The following PIBF1 variants were observed in gnomAD, a reference collection of about 807,000 sequenced individuals.
The protein encoded by PIBF1 is progesterone immunomodulatory binding factor 1.
Under a neutral mutation model 112.5 loss-of-function variants are expected in PIBF1, and 90 were observed. The observed-to-expected ratio is 0.80, with a 90% CI of 0.67 to 0.95. PIBF1 has a LOEUF of 0.95. Among genes scored for constraint, PIBF1 ranks in the 40% least tolerant of loss-of-function variants. The probability of loss-of-function intolerance (pLI) is 0.00; values close to 1 mark genes in which losing one functional copy is unlikely to be tolerated. For synonymous variants in PIBF1, 301 were observed against 288.6 expected (o/e 1.04, Z -0.44); for missense variants, 915 against 852.3 (o/e 1.07, Z -0.92).
intron 10 of PIBF1, among the ~76,000 whole-genome samples, chr13:72,873,772 A>G (rs75009376): frequency 1.1e-5 from 1 of 93,672 alleles, no homozygotes; most frequent in African/African-American, 5.0e-5. Flanking sequence ...TTTACTCAAA[A>G]TAAAAAAAAA....
chr13:72,789,924 A>T (rs2034810254), intron 2 of PIBF1, among the ~76,000 whole-genome samples: 2 of 152,154 alleles, frequency 1.3e-5, no homozygotes, highest in Admixed American at 6.5e-5. Flanking sequence ...TTGATTTGGG[A>T]AACAGTAATT....
chr13:72,943,017 C>A (rs1048294079), intron 14 of PIBF1, among the ~76,000 whole-genome samples: 10 of 151,942 alleles, frequency 6.6e-5, no homozygotes, highest in African/African-American at 2.4e-4. Context: ...AGAAAAATAT[C>A]GTTTAGTAAA....
At chr13:72,794,926 T>C (rs2035115565) in intron 3 of PIBF1, among the ~76,000 whole-genome samples, 1 of 152,206 alleles carries the variant, frequency 6.6e-6, no homozygotes, top group African/African-American at 2.4e-5. Context: ...TGCAGATTAC[T>C]GTTTTCATTA....
chr13:72,975,135 A>C (rs1479941781), intron 16 of PIBF1, among the ~76,000 whole-genome samples: 1 of 149,390 alleles, frequency 6.7e-6, no homozygotes, highest in African/African-American at 2.5e-5. Context: ...GGCTCACGGC[A>C]ACCTCTGCCT....
chr13:72,951,643 C>T (rs1038579456), intron 14 of PIBF1, among the ~76,000 whole-genome samples: 10 of 152,236 alleles, frequency 6.6e-5, no homozygotes, highest in African/African-American at 1.9e-4. Flanking sequence ...GTCAGTAAAA[C>T]AGCAGTTGCC....
intron 11 of PIBF1, among the ~76,000 whole-genome samples, chr13:72,898,671 T>C (rs1370443331): frequency 2.2e-5 from 3 of 133,582 alleles, no homozygotes; most frequent in Non-Finnish European, 4.8e-5. Context: ...ACCCTGTCTA[T>C]ACTAAAAATG....
intron 13 of PIBF1, among the ~76,000 whole-genome samples, chr13:72,930,760 AG>A (rs1294018794): frequency 6.6e-6 from 1 of 152,206 alleles, no homozygotes; most frequent in East Asian, 1.9e-4. Flanking sequence ...TACTTCTCAA[AG>A]TGATAAGCTA....
intron 17 of PIBF1, among the ~76,000 whole-genome samples, chr13:73,011,771 C>G (rs1167320748): frequency 6.6e-6 from 1 of 152,168 alleles, no homozygotes; most frequent in East Asian, 1.9e-4. Flanking sequence ...TTTCCCAGTA[C>G]AGTATGTCCA....
chr13:72,785,248 A>G (rs756382691), intron 2 of PIBF1, among the ~76,000 whole-genome samples: 9 of 152,160 alleles, frequency 5.9e-5, no homozygotes, highest in Non-Finnish European at 1.0e-4. Context: ...TATCTGTTTC[A>G]TCCCTTTCAT....
Position 72,958,496 on chromosome 13 carries a change from G to A in PIBF1, c.1834-6778G>A, listed in dbSNP as rs565512931. On this transcript the variant is annotated intron_variant, in intron 14 of 17. Transcript: ENST00000326291. The stretch of plus-strand genomic sequence containing the variant: ...TTTGTGGATCTTAAGACCAAAAGCG[G>A]AGCTGATAATCAACTACCATGTCCT... 5.9e-5 allele frequency among the ~76,000 whole-genome samples: 9 copies of A among 152,128 alleles called. No individual in the cohort carries two copies. In the East Asian group the frequency reaches 1.5e-3, roughly 26 times the overall value.
chr13:72,898,415 A>G (rs563422317), intron 11 of PIBF1, among the ~76,000 whole-genome samples: 75 of 152,194 alleles, frequency 4.9e-4, no homozygotes, highest in African/African-American at 1.7e-3. Flanking sequence ...TAGAGAAACA[A>G]GAATAAACCA....
chr13:72,864,554 C>T (rs749019840), intron 10 of PIBF1, among the ~76,000 whole-genome samples: 3 of 151,998 alleles, frequency 2.0e-5, no homozygotes, highest in Non-Finnish European at 4.4e-5. Flanking sequence ...TGCGCATGTG[C>T]GTGCATGTGT....
In PIBF1 at chr13:72,800,630, T is replaced by C. The variant is rs144668264; in HGVS notation, c.672+2604T>C. On this transcript the variant is annotated intron_variant, in intron 5 of 17. Transcript: ENST00000326291. ...ATGAAATTCATTCAATAAATGTGTA[T>C]CCTGCATTTACTATATACGGCATGC... Among the ~76,000 whole-genome samples, 284 of 152,344 alleles carry C rather than the reference T, an allele frequency of 1.9e-3. 1 individual carries two copies. Among genetic ancestry groups the C allele is most frequent in the African/African-American group, 6.2e-3 (257 of 41,586 alleles).
At chr13:72,844,765 A>T (rs201288617) in intron 9 of PIBF1, among the ~76,000 whole-genome samples, 5 of 106,252 alleles carry the variant, frequency 4.7e-5, no homozygotes, top group Non-Finnish European at 8.5e-5. Flanking sequence ...ACACACACAC[A>T]CACACACACA....
intron 2 of PIBF1, among the ~76,000 whole-genome samples, chr13:72,784,888 T>C (rs2034513246): frequency 6.6e-6 from 1 of 152,162 alleles, no homozygotes; most frequent in South Asian, 2.1e-4. Flanking sequence ...TTGTTGTTGT[T>C]GTTGGAGACA....
intron 14 of PIBF1, among the ~76,000 whole-genome samples, chr13:72,938,378 C>T (rs1309669446): frequency 1.3e-5 from 2 of 152,042 alleles, no homozygotes; most frequent in Non-Finnish European, 2.9e-5. Context: ...CACCTCAGTC[C>T]CCCACAAGCA....
intron 14 of PIBF1, among the ~76,000 whole-genome samples, chr13:72,932,177 C>T (rs2041732167): frequency 6.6e-6 from 1 of 151,962 alleles, no homozygotes; most frequent in Non-Finnish European, 1.5e-5. Flanking sequence ...CTTCTGGGCT[C>T]AAGCGATCCA....
chr13:72,959,425 A>G (rs1334720435), intron 14 of PIBF1, among the ~76,000 whole-genome samples: 1 of 152,230 alleles, frequency 6.6e-6, no homozygotes, highest in African/African-American at 2.4e-5. Flanking sequence ...AAGATTAAGC[A>G]AGGATATGTG....
At chr13:72,800,434 A>G (rs1011317236) in intron 5 of PIBF1, among the ~76,000 whole-genome samples, 4 of 152,222 alleles carry the variant, frequency 2.6e-5, no homozygotes, top group African/African-American at 4.8e-5. Context: ...TAAATTATTT[A>G]CTGCTATTTA....
Sources: gnomAD v4.1 joint callset for allele counts (sites outside exome capture counted in the v4.1 genomes callset) on GRCh38, gnomAD v4.1.1 for gene constraint, MANE v1.5 for transcripts, NCBI Gene and HGNC (gene_info 2026-07-23, HGNC 2026-07-21) for gene names.